Variants in WNT2B observed in about 807,000 individuals in gnomAD.
WNT2B encodes the protein protein Wnt-2b.
Under a neutral mutation model 40.5 loss-of-function variants are expected in WNT2B, and 19 were observed. That is an observed-to-expected ratio of 0.47 (90% CI 0.33 to 0.69). The LOEUF (loss-of-function observed/expected upper bound fraction) is 0.69, where lower values mean the gene tolerates loss of function less well. WNT2B is among the 30% of genes least tolerant of loss of function. The probability of loss-of-function intolerance (pLI) is 0.02; values close to 1 mark genes in which losing one functional copy is unlikely to be tolerated. For synonymous variants in WNT2B, 220 were observed against 211.9 expected (o/e 1.04, Z -0.33); for missense variants, 467 against 556.4 (o/e 0.84, Z 1.62).
rs1004956260 is a variant in WNT2B, at chr1:112,523,362, G to A, written c.*2853G>A. On this transcript the variant is annotated 3_prime_UTR_variant, in exon 5 of 5. Transcript: ENST00000369684. ...AAAGAGAGGTGCATAAGAGAGAAAT[G>A]ATGTCCATTTGAGCCCCACCACGGA... 1 of 152,204 alleles carries A rather than the reference G, an allele frequency of 6.6e-6. No homozygotes were observed. Among genetic ancestry groups the A allele is most frequent in the East Asian group, 1.9e-4 (1 of 5,200 alleles). The allele number at this position is 152,204 out of a possible 1,614,324, so 9.4% of individuals were successfully genotyped here.
At chr1:112,478,174 C>CA (rs1422620735) in intron 1 of WNT2B, among the ~76,000 whole-genome samples, 1 of 151,776 alleles carries the variant, frequency 6.6e-6, no homozygotes, top group Non-Finnish European at 1.5e-5. Context: ...GTCAAGGCTG[C>CA]AATGAGCTGT....
At chr1:112,514,150 T>C (rs1177262725) in intron 1 of WNT2B, among the ~76,000 whole-genome samples, 2 of 152,188 alleles carry the variant, frequency 1.3e-5, no homozygotes, top group Non-Finnish European at 2.9e-5. Context: ...TATCTTGGCC[T>C]TTGGCTTCCC....
At chr1:112,467,217 A>G (rs552232913) in exon 1 of WNT2B, 1 of 337,010 alleles carries the variant, frequency 3.0e-6, no homozygotes, top group Admixed American at 4.7e-5. Context: ...TCTGGTGAGA[A>G]GCCTGGGATG....
rs3790605 is a variant in WNT2B, at chr1:112,509,533, C to T, written c.182+89C>T. The T allele has an allele frequency of 2.8e-6, 4 of 1,409,382 alleles. No individual in the cohort carries two copies. The highest frequency in any genetic ancestry group is 6.2e-5 in the Admixed American group (2 of 32,418). 87.3% of individuals were successfully genotyped at this position (1,409,382 alleles called of 1,614,324 possible). On this transcript the variant is annotated intron_variant, in intron 1 of 4. Transcript: ENST00000369684. The surrounding 1 kb of genome is among the most constrained non-coding windows in gnomAD (Gnocchi z 4.2). ...GGGACTGGCTGCTCACGGGACCAGGCTGTTGCTTCGACGGGTTGGAGACGA... is the reference window on the plus strand; with the variant it reads ...GGGACTGGCTGCTCACGGGACCAGGTTGTTGCTTCGACGGGTTGGAGACGA...
chr1:112,490,612 C>G (rs984234100), intron 1 of WNT2B, among the ~76,000 whole-genome samples: 4 of 151,842 alleles, frequency 2.6e-5, no homozygotes, highest in African/African-American at 9.7e-5. Context: ...GCCTCAGCCT[C>G]CCTAGTAGCT....
At chr1:112,489,230 AT>A (rs549865542) in intron 1 of WNT2B, among the ~76,000 whole-genome samples, 13 of 151,002 alleles carry the variant, frequency 8.6e-5, no homozygotes, top group Non-Finnish European at 1.9e-4. Flanking sequence ...ACAAGGACAG[AT>A]TTTTTTTTAA....
intron 1 of WNT2B, among the ~76,000 whole-genome samples, chr1:112,495,276 A>G (rs138223590): frequency 6.7e-6 from 1 of 148,516 alleles, no homozygotes; most frequent in Admixed American, 6.6e-5. Flanking sequence ...CAAATATGGT[A>G]GATATAAATC....
intron 1 of WNT2B, chr1:112,467,625 T>C (rs1239014716): frequency 1.3e-6 from 1 of 773,356 alleles, no homozygotes; most frequent in African/African-American, 1.7e-5. Context: ...TATTTAATAC[T>C]TGTACCTAAT....
In WNT2B at chr1:112,515,375, C is replaced by G. The variant is rs773141780; in HGVS notation, c.403+281C>G. On this transcript the variant is annotated intron_variant, in intron 2 of 4. Coordinates refer to ENST00000369684, the MANE Select transcript of WNT2B (RefSeq NM_024494.3). The surrounding 1 kb of genome is among the most constrained non-coding windows in gnomAD (Gnocchi z 4.4). The stretch of plus-strand genomic sequence containing the variant: ...CCTCATTTTCCTTGTCCTCCCCAAT[C>G]CCCAGCTTGGGAGGCTACCATGTAC... Among the ~76,000 whole-genome samples, 2 of 152,172 alleles carry G rather than the reference C, an allele frequency of 1.3e-5. No homozygotes were observed. The highest frequency in any genetic ancestry group is 2.9e-5 in the Non-Finnish European group (2 of 68,030).
At chr1:112,480,171 A>G (rs1415448366) in intron 1 of WNT2B, among the ~76,000 whole-genome samples, 1 of 152,088 alleles carries the variant, frequency 6.6e-6, no homozygotes, top group Non-Finnish European at 1.5e-5. Flanking sequence ...GTTCAAGACC[A>G]GCCTTGCCAA....
chr1:112,476,706 T>C (rs1651064545), intron 1 of WNT2B, among the ~76,000 whole-genome samples: 1 of 152,156 alleles, frequency 6.6e-6, no homozygotes, highest in Non-Finnish European at 1.5e-5. Context: ...CATTGACCAC[T>C]TTTACCACTG....
Position 112,517,323 on chromosome 1 carries a change from C to T in WNT2B, c.884C>T (p.Thr295Ile), listed in dbSNP as rs753727204. 1.9e-6 allele frequency: 3 copies of T among 1,613,938 alleles called. No homozygotes were observed. The highest frequency in any genetic ancestry group is 1.7e-5 in the Admixed American group (1 of 60,026). Residue 295 changes from threonine to isoleucine, a missense_variant, in exon 4 of 5, where the codon ACC (threonine) becomes ATC (isoleucine). By Grantham distance (89) the Thr-to-Ile change is moderately conservative. Coordinates refer to ENST00000369684, the MANE Select transcript of WNT2B (RefSeq NM_024494.3). ...GCCCGCCAAGGCTATCGCCGTGCCA[C>T]CCGGACTGATCTTGTCTACTTTGAC... ...TAARQGYRRA[T>I]RTDLVYFDNS...
intron 1 of WNT2B, among the ~76,000 whole-genome samples, chr1:112,495,114 A>G (rs1382634296): frequency 6.6e-6 from 1 of 151,428 alleles, no homozygotes; most frequent in Non-Finnish European, 1.5e-5. Context: ...TCTGACCACT[A>G]AGCAATGTAA....
chr1:112,488,538 C>G (rs1289153985), intron 1 of WNT2B, among the ~76,000 whole-genome samples: 1 of 148,328 alleles, frequency 6.7e-6, no homozygotes, highest in Non-Finnish European at 1.5e-5. Context: ...CTCCTTCCTT[C>G]TTTATTTACT....
At chr1:112,493,997 T>C (rs188602745) in intron 1 of WNT2B, among the ~76,000 whole-genome samples, 244 of 150,772 alleles carry the variant, frequency 1.6e-3, no homozygotes, top group Non-Finnish European at 2.4e-3. Flanking sequence ...CCCTTACTTA[T>C]AGAGAAGCAA....
At position 112,526,085 on chromosome 1, in the gene WNT2B, G is replaced by C; in HGVS notation, c.*5576G>C. 1 of 1,614,146 alleles carries C rather than the reference G, an allele frequency of 6.2e-7. No homozygotes were observed. The highest frequency in any genetic ancestry group is 8.5e-7 in the Non-Finnish European group (1 of 1,180,036). On this transcript the variant is annotated 3_prime_UTR_variant, in exon 5 of 5. Transcript: ENST00000369684. ...TCTCCTCAAAGCCTGAGGATGCCCA[G>C]GGTTGGGGGCACCAGAGTCCCAGCA...
chr1:112,510,449 C>G (rs1437638007), intron 1 of WNT2B, among the ~76,000 whole-genome samples: 1 of 152,290 alleles, frequency 6.6e-6, no homozygotes, highest in African/African-American at 2.4e-5. Flanking sequence ...CTCCACCAGG[C>G]AGTGCCTCCC....
rs372190907 is a variant in WNT2B at position 112,520,466 on chromosome 1, C to G, written c.1133C>G (p.Thr378Ser). 1 of 1,614,082 alleles carries G rather than the reference C, an allele frequency of 6.2e-7. No individual in the cohort carries two copies. The highest frequency in any genetic ancestry group is 1.3e-5 in the African/African-American group (1 of 74,924). ...KECRNTVDVH[T>S]CKAPKKAEWL... ...TGCAGAAATACTGTGGACGTCCATA[C>G]TTGCAAAGCCCCCAAGAAGGCAGAG... The change falls in exon 5 of 5, where the codon ACT becomes AGT. Residue 378 changes from threonine (T) to serine (S), a missense_variant. Physicochemically the swap from Thr to Ser is moderately conservative, Grantham distance 58. Transcript: ENST00000369684.
At chr1:112,492,391 G>C (rs1321915615) in intron 1 of WNT2B, among the ~76,000 whole-genome samples, 1 of 152,186 alleles carries the variant, frequency 6.6e-6, no homozygotes, top group South Asian at 2.1e-4. Context: ...ACCAGTACCA[G>C]GGTACCAAAA....
Sources: allele counts gnomAD v4.1 joint callset (sites outside exome capture counted in the v4.1 genomes callset), GRCh38; gene constraint gnomAD v4.1.1; non-coding constraint Gnocchi (gnomAD v3.1); transcripts MANE v1.5; gene names NCBI Gene and HGNC (gene_info 2026-07-23, HGNC 2026-07-21).